IGSF11: variants seen among roughly 807,000 people sequenced by gnomAD.
IGSF11 encodes the protein immunoglobulin superfamily member 11.
In IGSF11, 22 loss-of-function variants were observed where a neutral mutation model predicts 41.0. The ratio of observed to expected loss-of-function variants is 0.54; its 90% CI spans 0.38 to 0.77. The LOEUF (loss-of-function observed/expected upper bound fraction) is 0.77. Among genes scored for constraint, IGSF11 ranks in the 30% least tolerant of loss-of-function variants. IGSF11 has a pLI of 0.00. For synonymous variants in IGSF11, 219 were observed against 201.3 expected (o/e 1.09, Z -0.74); for missense variants, 444 against 530.8 (o/e 0.84, Z 1.61).
At chr3:119,119,477 C>T (rs1286379536) in intron 1 of IGSF11, among the ~76,000 whole-genome samples, 1 of 152,212 alleles carries the variant, frequency 6.6e-6, no homozygotes, top group Non-Finnish European at 1.5e-5. Flanking sequence ...GTCCCTCCCA[C>T]AACACATGGG....
intron 4 of IGSF11, among the ~76,000 whole-genome samples, chr3:118,913,452 C>T (rs559539501): frequency 6.6e-6 from 1 of 152,284 alleles, no homozygotes; most frequent in South Asian, 2.1e-4. Context: ...TGCCTACAGA[C>T]TACCAGCAGA....
rs185595662 is a variant in IGSF11, at chr3:119,114,092, G to A, written c.-13-8887C>T. Among the ~76,000 whole-genome samples, 6 of 152,342 alleles carry A rather than the reference G, an allele frequency of 3.9e-5. No individual in the cohort carries two copies. In the East Asian group the frequency reaches 9.7e-4, roughly 25 times the overall value. On this transcript the variant is annotated intron_variant, in intron 1 of 7. Coordinates refer to the IGSF11 transcript ENST00000425327. ...CAGCAGGGCCCTGGGCCCAGCCCAT[G>A]GCCCATGAAACCTAAGCCTCCAGGC...
chr3:119,028,215 T>C (rs1219957706), intron 1 of IGSF11, among the ~76,000 whole-genome samples: 3 of 152,150 alleles, frequency 2.0e-5, no homozygotes, highest in Admixed American at 1.3e-4. Context: ...TCCATAAGGG[T>C]ATAAATCATG....
intron 1 of IGSF11, among the ~76,000 whole-genome samples, chr3:119,081,041 A>G (rs2076578209): frequency 6.6e-6 from 1 of 152,170 alleles, no homozygotes; most frequent in African/African-American, 2.4e-5. Context: ...AGTAAAATGA[A>G]TACTCAATGT....
chr3:118,914,249 G>C (rs1437898521), intron 4 of IGSF11, among the ~76,000 whole-genome samples: 1 of 152,172 alleles, frequency 6.6e-6, no homozygotes, highest in Non-Finnish European at 1.5e-5. Context: ...AAATCGGGGA[G>C]GAGCCAAGAT....
chr3:119,037,168 C>T (rs1208767712), upstream of IGSF11, among the ~76,000 whole-genome samples: 1 of 152,164 alleles, frequency 6.6e-6, no homozygotes, highest in Non-Finnish European at 1.5e-5. Context: ...CTCTTTTATC[C>T]TAATCTGCTT....
At chr3:118,941,841 T>C (rs190973673) in intron 1 of IGSF11, among the ~76,000 whole-genome samples, 1 of 152,260 alleles carries the variant, frequency 6.6e-6, no homozygotes, top group Non-Finnish European at 1.5e-5. Flanking sequence ...GTTAAAGCTA[T>C]TGTGCTAAGT....
chr3:119,019,212 T>C (rs974248940), intron 1 of IGSF11, among the ~76,000 whole-genome samples: 1 of 151,864 alleles, frequency 6.6e-6, no homozygotes, highest in African/African-American at 2.4e-5. Context: ...ATAAGGATCC[T>C]TGATTCTGTG....
rs542937792 is a variant in IGSF11, at chr3:118,970,664, G to A, written c.53-40389C>T. Among the ~76,000 whole-genome samples, 286 of 151,636 alleles carry A rather than the reference G, an allele frequency of 1.9e-3. 1 individual carries two copies. Among genetic ancestry groups the A allele is most frequent in the Non-Finnish European group, 3.1e-3 (210 of 67,938 alleles). ...ATAGCAGCAAAAAGGATATATTCTA[G>A]GAGTTGGTACTATTGTATTCTCAGT... On this transcript the variant is annotated intron_variant, in intron 1 of 6. Coordinates refer to ENST00000393775, the MANE Select transcript of IGSF11 (RefSeq NM_001015887.3).
intron 1 of IGSF11, among the ~76,000 whole-genome samples, chr3:119,127,873 C>A (rs1425304058): frequency 6.6e-6 from 1 of 152,204 alleles, no homozygotes; most frequent in Non-Finnish European, 1.5e-5. Context: ...TCATTACCAG[C>A]AGGCCTGCCC....
chr3:118,932,887 AT>A (rs1942968878), intron 1 of IGSF11, among the ~76,000 whole-genome samples: 1 of 152,218 alleles, frequency 6.6e-6, no homozygotes, highest in Admixed American at 6.5e-5. Context: ...CAATTCACTA[AT>A]TTCAAGCTTA....
chr3:119,017,150 T>C (rs1308370588), intron 1 of IGSF11, among the ~76,000 whole-genome samples: 2 of 149,190 alleles, frequency 1.3e-5, no homozygotes, highest in African/African-American at 5.0e-5. Context: ...AAAAGAAGAG[T>C]AAGCGAAATT....
chr3:119,066,104 T>C (rs923002144), intron 1 of IGSF11, among the ~76,000 whole-genome samples: 1 of 152,200 alleles, frequency 6.6e-6, no homozygotes, highest in African/African-American at 2.4e-5. Context: ...GTCCCCCTTT[T>C]CATAACTAAT....
At chr3:118,927,038 GAATA>G (rs1942382627) in intron 3 of IGSF11, among the ~76,000 whole-genome samples, 1 of 151,298 alleles carries the variant, frequency 6.6e-6, no homozygotes, top group South Asian at 2.1e-4. Flanking sequence ...TTTCCAAAAT[GAATA>G]AATGAATGAA....
At chr3:118,920,287 G>C (rs150802562) in intron 4 of IGSF11, among the ~76,000 whole-genome samples, 1,679 of 149,882 alleles carry the variant, frequency 0.011, 37 homozygotes, top group East Asian at 0.066. Flanking sequence ...TGTCAGACAT[G>C]ATACAAGATG....
At chr3:119,091,338 C>G (rs1168775247) in intron 1 of IGSF11, among the ~76,000 whole-genome samples, 2 of 152,200 alleles carry the variant, frequency 1.3e-5, no homozygotes, top group African/African-American at 4.8e-5. Context: ...TTTGACCCAG[C>G]AATCCTATTA....
Position 118,975,363 on chromosome 3 carries a change from T to TTAAAAAAAA in IGSF11, c.53-45089_53-45088insTTTTTTTTA, listed in dbSNP as rs765744961. Among the ~76,000 whole-genome samples the TTAAAAAAAA allele has an allele frequency of 9.1e-4, 128 of 140,732 alleles. 1 individual carries two copies. The highest frequency in any genetic ancestry group is 3.1e-3 in the African/African-American group (116 of 37,944). 92.3% of individuals were successfully genotyped at this position (140,732 alleles called of 152,430 possible). A position where few individuals can be genotyped will look rare whatever the true frequency, so the allele number is the denominator to read the frequency against. On this transcript the variant is annotated intron_variant, in intron 1 of 6. Coordinates refer to ENST00000393775, the MANE Select transcript of IGSF11 (RefSeq NM_001015887.3). ...AATAAATTTGTAGCCCTGCTGGATTTAAAAAAAAAAAAAAAAGATGTGCTC... is the reference window on the plus strand; with the variant it reads ...AATAAATTTGTAGCCCTGCTGGATTTTAAAAAAAAAAAAAAAAAAAAAAAAGATGTGCTC...
At chr3:119,126,365 T>C (rs1197510014) in intron 1 of IGSF11, among the ~76,000 whole-genome samples, 6 of 152,158 alleles carry the variant, frequency 3.9e-5, no homozygotes, top group African/African-American at 1.4e-4. Flanking sequence ...GGGACAGAAT[T>C]CAGATCTCCC....
At chr3:118,968,351 T>C (rs908580326) in intron 1 of IGSF11, among the ~76,000 whole-genome samples, 3 of 152,154 alleles carry the variant, frequency 2.0e-5, no homozygotes, top group African/African-American at 4.8e-5. Flanking sequence ...CAGGGAATTA[T>C]AGACAATAGC....
Sources: gnomAD v4.1 joint callset for allele counts (sites outside exome capture counted in the v4.1 genomes callset) on GRCh38, gnomAD v4.1.1 for gene constraint, MANE v1.5 for transcripts, NCBI Gene and HGNC (gene_info 2026-07-23, HGNC 2026-07-21) for gene names.